Variants in INPP4B observed in about 807,000 individuals in gnomAD.
The protein encoded by INPP4B is inositol polyphosphate-4-phosphatase type II B, also known as inositol polyphosphate 4-phosphatase type II.
In INPP4B, 55 loss-of-function variants were observed where a neutral mutation model predicts 122.5. The ratio of observed to expected loss-of-function variants is 0.45; its 90% confidence interval spans 0.36 to 0.56. The LOEUF is 0.56. INPP4B is among the 20% of genes least tolerant of loss of function. The pLI, the probability that INPP4B is intolerant of heterozygous loss-of-function variation, is 0.00. For synonymous variants in INPP4B, 403 were observed against 388.7 expected (o/e 1.04, Z -0.43); for missense variants, 1,000 against 1,097.7 (o/e 0.91, Z 1.26).
chr4:142,278,484 G>A (rs558491984), intron 9 of INPP4B, among the ~76,000 whole-genome samples: 53 of 151,986 alleles, frequency 3.5e-4, no homozygotes, highest in African/African-American at 1.3e-3. Flanking sequence ...CTCTCAAGTA[G>A]TCTTGCAGTG....
chr4:142,519,670 T>A (rs926833221), intron 2 of INPP4B, among the ~76,000 whole-genome samples: 4 of 152,154 alleles, frequency 2.6e-5, no homozygotes, highest in Non-Finnish European at 5.9e-5. Context: ...TCACATTATA[T>A]AAAAATGCTA....
chr4:142,213,825 C>T (rs542079231), intron 12 of INPP4B, among the ~76,000 whole-genome samples: 4 of 152,196 alleles, frequency 2.6e-5, no homozygotes, highest in Non-Finnish European at 4.4e-5. Flanking sequence ...CCTTGAAGTC[C>T]ACCCAACATG....
intron 25 of INPP4B, chr4:142,029,736 C>T: frequency 1.0e-6 from 1 of 990,824 alleles, no homozygotes; most frequent in African/African-American, 1.7e-5. Context: ...AAGTCTGCAA[C>T]CTCCCACATC....
chr4:142,142,429 G>A lies in INPP4B; in HGVS notation c.1720+3411C>T, dbSNP rs145665141. Among the ~76,000 whole-genome samples the A allele has an allele frequency of 2.8e-4, 43 of 152,144 alleles. No individual in the cohort carries two copies. The East Asian group carries it at 8.3e-3, about 29-fold the overall frequency. ...TTTTGTTATAGAGAACCATGAAAAT[G>A]TTTCTATCCATCCAGATGTTGATTT... On this transcript the variant is annotated intron_variant, in intron 18 of 25. Transcript: ENST00000262992.
intron 23 of INPP4B, among the ~76,000 whole-genome samples, chr4:142,099,615 A>G (rs1484064218): frequency 6.6e-6 from 1 of 152,106 alleles, no homozygotes; most frequent in Non-Finnish European, 1.5e-5. Flanking sequence ...TATGTCTTCA[A>G]GTTTATTAAA....
At chr4:142,313,391 T>C (rs1054310497) in intron 8 of INPP4B, among the ~76,000 whole-genome samples, 10 of 152,202 alleles carry the variant, frequency 6.6e-5, no homozygotes, top group Non-Finnish European at 1.3e-4. Flanking sequence ...TATTAATACT[T>C]TAAAAAGTCT....
chr4:142,336,323 G>A (rs182596748), intron 7 of INPP4B, among the ~76,000 whole-genome samples: 82 of 152,150 alleles, frequency 5.4e-4, no homozygotes, highest in Non-Finnish European at 8.8e-4. Flanking sequence ...AGAAAATACC[G>A]CTGGGGGCCA....
chr4:142,057,091 C>T (rs1028985322), intron 25 of INPP4B, among the ~76,000 whole-genome samples: 6 of 149,820 alleles, frequency 4.0e-5, no homozygotes, highest in Non-Finnish European at 5.9e-5. Context: ...GTGATGGCAG[C>T]GTACACATAT....
intron 2 of INPP4B, among the ~76,000 whole-genome samples, chr4:142,655,190 G>A (rs181572675): frequency 6.6e-6 from 1 of 152,266 alleles, no homozygotes; most frequent in African/African-American, 2.4e-5. Flanking sequence ...TATTATTGCT[G>A]TATAGCATCA....
chr4:142,752,754 T>C (rs556990015), intron 1 of INPP4B, among the ~76,000 whole-genome samples: 2 of 152,082 alleles, frequency 1.3e-5, no homozygotes, highest in South Asian at 4.1e-4. Context: ...CTACCTCCTA[T>C]AAATTCCCCA....
intron 2 of INPP4B, among the ~76,000 whole-genome samples, chr4:142,666,775 C>A (rs1377816317): frequency 6.6e-6 from 1 of 152,108 alleles, no homozygotes; most frequent in East Asian, 1.9e-4. Flanking sequence ...AATCTATCAA[C>A]CTTTTAATTT....
At chr4:142,191,908 GTAGTTTATA>G (rs1836000500) in intron 15 of INPP4B, among the ~76,000 whole-genome samples, 1 of 152,036 alleles carries the variant, frequency 6.6e-6, no homozygotes, top group Admixed American at 6.6e-5. Flanking sequence ...ATGTGTATTG[GTAGTTTATA>G]TATTTGTATA....
chr4:142,646,245 A>G (rs1161250534), intron 2 of INPP4B, among the ~76,000 whole-genome samples: 1 of 152,230 alleles, frequency 6.6e-6, no homozygotes, highest in Non-Finnish European at 1.5e-5. Flanking sequence ...TTAAACATCA[A>G]CACAAGAAAC....
intron 21 of INPP4B, among the ~76,000 whole-genome samples, chr4:142,117,428 A>G (rs1561179239): frequency 6.6e-6 from 1 of 152,186 alleles, no homozygotes; most frequent in African/African-American, 2.4e-5. Context: ...ATACTGGCAA[A>G]CCGAATCCAG....
At chr4:142,579,649 A>G (rs1385495525) in intron 2 of INPP4B, among the ~76,000 whole-genome samples, 1 of 151,780 alleles carries the variant, frequency 6.6e-6, no homozygotes, top group Non-Finnish European at 1.5e-5. Context: ...ACTGCCTCTG[A>G]ATGGGACATT....
At chr4:142,329,807 C>T (rs1773792695) in intron 7 of INPP4B, among the ~76,000 whole-genome samples, 1 of 152,134 alleles carries the variant, frequency 6.6e-6, no homozygotes, top group African/African-American at 2.4e-5. Flanking sequence ...CAACTAGTCA[C>T]AAGGACACTT....
intron 2 of INPP4B, among the ~76,000 whole-genome samples, chr4:142,585,707 G>A (rs1736009083): frequency 1.3e-5 from 2 of 151,928 alleles, no homozygotes; most frequent in Admixed American, 6.6e-5. Context: ...TCAAGCAGTG[G>A]TCCATGTGTC....
intron 25 of INPP4B, chr4:142,030,432 C>G: frequency 1.2e-6 from 1 of 804,156 alleles, no homozygotes; most frequent in Non-Finnish European, 1.9e-6. Context: ...CAGATGAAAT[C>G]TTATGGTAAA....
intron 5 of INPP4B, chr4:142,425,172 G>A (rs1807776796): frequency 6.6e-6 from 1 of 151,996 alleles, no homozygotes; most frequent in Non-Finnish European, 1.5e-5. Flanking sequence ...CAATCGGTTG[G>A]CTTCAAATCC....
Sources: allele counts gnomAD v4.1 joint callset (sites outside exome capture counted in the v4.1 genomes callset), GRCh38; gene constraint gnomAD v4.1.1; transcripts MANE v1.5; gene names NCBI Gene and HGNC (gene_info 2026-07-23, HGNC 2026-07-21).